The following DCHS2 variants were observed in gnomAD, a reference collection of about 807,000 sequenced individuals.
DCHS2 encodes the protein protocadherin-23.
Under a neutral mutation model 182.4 loss-of-function variants are expected in DCHS2, and 142 were observed. The observed-to-expected ratio is 0.78, with a 90% confidence interval of 0.68 to 0.89. DCHS2 has a LOEUF of 0.89. DCHS2 is among the 40% of genes least tolerant of loss of function. The pLI, the probability that DCHS2 is intolerant of heterozygous loss-of-function variation, is 0.00. For synonymous variants in DCHS2, 1,740 were observed against 1,663.3 expected, an observed-to-expected ratio of 1.05 and a Z score of -1.12; for missense variants, 4,319 against 4,198.6, an observed-to-expected ratio of 1.03 and a Z score of -0.79.
At chr4:154,432,893 T>A (rs1034673604) in intron 1 of DCHS2, among the ~76,000 whole-genome samples, 3 of 152,232 alleles carry the variant, frequency 2.0e-5, no homozygotes, top group African/African-American at 7.2e-5. Context: ...TTACAGGGCC[T>A]TCAGCTTCTA....
intron 3 of DCHS2, among the ~76,000 whole-genome samples, chr4:154,358,914 A>G (rs1459505162): frequency 1.3e-5 from 2 of 151,612 alleles, no homozygotes; most frequent in African/African-American, 4.8e-5. Context: ...AAATATGCAT[A>G]TATGTAATAT....
chr4:154,347,669 T>C (rs979339771), intron 3 of DCHS2, among the ~76,000 whole-genome samples: 1 of 151,834 alleles, frequency 6.6e-6, no homozygotes, highest in Non-Finnish European at 1.5e-5. Context: ...GGTAATTCCA[T>C]GCACCAAGAA....
chr4:154,326,481 A>C (rs1338548057), intron 7 of DCHS2, among the ~76,000 whole-genome samples: 1 of 152,084 alleles, frequency 6.6e-6, no homozygotes, highest in Non-Finnish European at 1.5e-5. Flanking sequence ...GAGCTTCTGC[A>C]TTTCTTCTTG....
intron 1 of DCHS2, among the ~76,000 whole-genome samples, chr4:154,392,083 T>C (rs1197149090): frequency 1.3e-5 from 2 of 152,158 alleles, no homozygotes; most frequent in African/African-American, 4.8e-5. Flanking sequence ...TGATTTACTT[T>C]ATATACACCA....
intron 1 of DCHS2, among the ~76,000 whole-genome samples, chr4:154,411,614 C>A (rs1732637849): frequency 6.6e-6 from 1 of 151,722 alleles, no homozygotes; most frequent in African/African-American, 2.4e-5. Flanking sequence ...AAAGAATAAA[C>A]AAGTCTGAAC....
At chr4:154,309,983 CT>C (rs901210726) in intron 10 of DCHS2, among the ~76,000 whole-genome samples, 2 of 152,140 alleles carry the variant, frequency 1.3e-5, no homozygotes, top group African/African-American at 4.8e-5. Context: ...GGTTAGAAAG[CT>C]GGAAAGCTCC....
Position 154,234,480 on chromosome 4 carries a change from A to G in DCHS2, c.*56T>C, listed in dbSNP as rs1731344605. 3.4e-6 allele frequency: 5 copies of G among 1,473,234 alleles called. No homozygotes were observed. The highest frequency in any genetic ancestry group is 3.6e-6 in the Non-Finnish European group (4 of 1,110,500). 91.3% of individuals were successfully genotyped at this position (1,473,234 alleles called of 1,614,324 possible). On this transcript the variant is annotated 3_prime_UTR_variant, in exon 20 of 20. Coordinates refer to ENST00000357232, the MANE Select transcript of DCHS2 (RefSeq NM_001358235.2). ...AATCTCGAGTTGCTGGCTTGAAAAC[A>G]TTTTGTTCATTCATTCATGACCAAT...
rs748739882 is a variant in DCHS2, at chr4:154,332,888, T to C, written c.3320A>G (p.Gln1107Arg). Reference protein sequence around the residue: ...LSPMTQMLQTQAHPLGPQRAA... With the variant: ...LSPMTQMLQTRAHPLGPQRAA... ...ACGCTGGGGGCCAAGTGGGTGCGCC[T>C]GTGTTTGCAGCATTTGTGTCATCGG... The change falls in exon 5 of 20, where the codon CAG becomes CGG. Residue 1107 changes from glutamine to arginine, a missense_variant. Gln to Arg is a conservative substitution (Grantham distance 43). Coordinates refer to ENST00000357232, the MANE Select transcript of DCHS2 (RefSeq NM_001358235.2). 5 of 1,614,176 alleles carry C rather than the reference T, an allele frequency of 3.1e-6. No homozygotes were observed. Among genetic ancestry groups the C allele is most frequent in the Middle Eastern group, 3.3e-4 (2 of 6,062 alleles).
chr4:154,392,086 A>G (rs1253225849), intron 1 of DCHS2, among the ~76,000 whole-genome samples: 3 of 152,152 alleles, frequency 2.0e-5, no homozygotes, highest in Admixed American at 6.5e-5. Flanking sequence ...TTTACTTTAT[A>G]TACACCAAAA....
chr4:154,323,347 A>AAG, intron 7 of DCHS2: 1 of 1,548,012 alleles, frequency 6.5e-7, no homozygotes, highest in Non-Finnish European at 8.7e-7. Flanking sequence ...AAAAAAAAAA[A>AAG]AAGATGAAGT....
rs560763312 is a variant in DCHS2 at position 154,473,829 on chromosome 4, T to G, written c.2052+15475A>C. ...GAATCCTGGAGGAGCAGTTCCCGGA[T>G]GGAATAAACAAACATTTAGGAAGTA... is the stretch of plus-strand genomic sequence containing the variant. On this transcript the variant is annotated intron_variant, in intron 1 of 19. Transcript: ENST00000357232. 3.9e-3 allele frequency among the ~76,000 whole-genome samples: 586 copies of G among 152,154 alleles called. 1 individual carries two copies. Among genetic ancestry groups the G allele is most frequent in the Non-Finnish European group, 5.5e-3 (372 of 68,002 alleles).
At chr4:154,455,095 T>A (rs1560769181) in intron 1 of DCHS2, among the ~76,000 whole-genome samples, 1 of 152,238 alleles carries the variant, frequency 6.6e-6, no homozygotes. Flanking sequence ...ATGTCAGAAG[T>A]CCAGTGTAGT....
chr4:154,235,008 C>T lies in DCHS2; in HGVS notation c.9644G>A (p.Cys3215Tyr), dbSNP rs1731387205. Residue 3215 changes from cysteine (C) to tyrosine (Y), a missense_variant, in exon 20 of 20, where the codon TGT (cysteine) becomes TAT (tyrosine). Physicochemically the swap from Cys to Tyr is radical, Grantham distance 194. Transcript: ENST00000357232. The stretch of plus-strand genomic sequence containing the variant: ...GGTCGTCTGAGTTGAAAGAGCTGCA[C>T]ACCTTACTTCCTGATCACCTGAAAT... Reference protein sequence around the residue: ...VFISGDQEVRCAALSTQTTSD... With the variant: ...VFISGDQEVRYAALSTQTTSD... 6 of 1,613,908 alleles carry T rather than the reference C, an allele frequency of 3.7e-6. No homozygotes were observed. The highest frequency in any genetic ancestry group is 4.2e-6 in the Non-Finnish European group (5 of 1,179,980).
intron 13 of DCHS2, among the ~76,000 whole-genome samples, chr4:154,281,883 T>C: frequency 6.6e-6 from 1 of 152,114 alleles, no homozygotes; most frequent in South Asian, 2.1e-4. Context: ...CACATGTATA[T>C]GATCAAATGA....
At chr4:154,419,979 G>A (rs1733035908) in intron 1 of DCHS2, among the ~76,000 whole-genome samples, 1 of 152,108 alleles carries the variant, frequency 6.6e-6, no homozygotes, top group Non-Finnish European at 1.5e-5. Context: ...GTGACATCCA[G>A]TTTGCATTTA....
intron 1 of DCHS2, among the ~76,000 whole-genome samples, chr4:154,459,734 T>TTCTCTCTC (rs60259256): frequency 8.4e-4 from 114 of 135,350 alleles, no homozygotes; most frequent in African/African-American, 3.2e-3. Context: ...TATCTACACA[T>TTCTCTCTC]TCTCTCTCTC....
At chr4:154,464,071 C>T (rs1560774592) in intron 1 of DCHS2, among the ~76,000 whole-genome samples, 1 of 152,092 alleles carries the variant, frequency 6.6e-6, no homozygotes, top group Non-Finnish European at 1.5e-5. Flanking sequence ...CACCTTAATG[C>T]CCATGTATTG....
intron 3 of DCHS2, among the ~76,000 whole-genome samples, chr4:154,357,601 C>T (rs1362291752): frequency 6.6e-6 from 1 of 152,166 alleles, no homozygotes; most frequent in Non-Finnish European, 1.5e-5. Context: ...ACAGTCAGCT[C>T]CTTTCTTGCT....
chr4:154,449,795 G>A (rs1242222397), intron 1 of DCHS2, among the ~76,000 whole-genome samples: 3 of 152,094 alleles, frequency 2.0e-5, no homozygotes, highest in Non-Finnish European at 2.9e-5. Context: ...TAGACAAATG[G>A]CATTGCTAAA....
Sources: allele counts gnomAD v4.1 joint callset (sites outside exome capture counted in the v4.1 genomes callset), GRCh38; gene constraint gnomAD v4.1.1; transcripts MANE v1.5; gene names NCBI Gene and HGNC (gene_info 2026-07-23, HGNC 2026-07-21).